The following XKR6 variants were observed in gnomAD, a reference collection of about 807,000 sequenced individuals.
The protein encoded by XKR6 is XK-related protein 6.
Under a neutral mutation model 56.7 loss-of-function variants are expected in XKR6, and 22 were observed. The observed-to-expected ratio is 0.39, with a 90% CI of 0.28 to 0.55. XKR6 has a LOEUF of 0.55. Among genes scored for constraint, XKR6 ranks in the 20% least tolerant of loss-of-function variants. The pLI is 0.66. For synonymous variants in XKR6, 524 were observed against 387.8 expected (o/e 1.35, Z -4.13); for missense variants, 852 against 889.0 (o/e 0.96, Z 0.53).
At chr8:11,059,194 C>T (rs4841487) in intron 1 of XKR6, among the ~76,000 whole-genome samples, 33,658 of 152,258 alleles carry the variant, frequency 0.22, 4,549 homozygotes, top group Non-Finnish European at 0.31. Flanking sequence ...GCGGTTTGGG[C>T]GCTCTGCCCC....
intron 1 of XKR6, among the ~76,000 whole-genome samples, chr8:10,943,942 C>T (rs1226266007): frequency 6.6e-6 from 1 of 152,132 alleles, no homozygotes; most frequent in Non-Finnish European, 1.5e-5. Context: ...GCGGAAGTCT[C>T]CCCCTGCCCG....
intron 1 of XKR6, among the ~76,000 whole-genome samples, chr8:11,045,890 C>T (rs968806045): frequency 6.6e-6 from 1 of 152,174 alleles, no homozygotes; most frequent in African/African-American, 2.4e-5. Context: ...GAGACAATAG[C>T]CACAGCCAGA....
intron 1 of XKR6, among the ~76,000 whole-genome samples, chr8:11,032,188 C>T (rs776122329): frequency 3.4e-4 from 52 of 152,150 alleles, no homozygotes; most frequent in Non-Finnish European, 6.3e-4. Context: ...TGGCACCAGA[C>T]GCAGGGCTGA....
intron 1 of XKR6, among the ~76,000 whole-genome samples, chr8:10,953,219 C>T (rs1801780681): frequency 6.6e-6 from 1 of 152,202 alleles, no homozygotes. Context: ...AATTATCTTC[C>T]ATGAAACTGG....
chr8:10,951,300 G>GTGTGTGTGTGTGTGT (rs988183717), intron 1 of XKR6, among the ~76,000 whole-genome samples: 1,533 of 122,312 alleles, frequency 0.013, 25 homozygotes, highest in African/African-American at 0.037. Flanking sequence ...TGTGTGTGTG[G>GTGTGTGTGTGTGTGT]GGGGGGGGGG....
chr8:11,112,027 A>C (rs961546920), intron 1 of XKR6: 2 of 152,248 alleles, frequency 1.3e-5, no homozygotes, highest in Non-Finnish European at 2.9e-5. Context: ...TAAGCTCTTA[A>C]GTCTAACATT....
At chr8:11,158,441 C>T (rs1801633503) in intron 1 of XKR6, among the ~76,000 whole-genome samples, 1 of 152,204 alleles carries the variant, frequency 6.6e-6, no homozygotes, top group South Asian at 2.1e-4. Flanking sequence ...TAGGCAGGGC[C>T]TGGCAAGAAA....
In XKR6 at chr8:11,037,713, C is replaced by G. The variant is rs989601946; in HGVS notation, c.765-112883G>C. ...TCACTACTAAAAATACAAAAATTGG[C>G]TGGGCATGGTGGCGTGCGCCTGTAA... On this transcript the variant is annotated intron_variant, in intron 1 of 2. Transcript: ENST00000416569. 5.3e-5 allele frequency among the ~76,000 whole-genome samples: 8 copies of G among 152,286 alleles called. No individual in the cohort carries two copies. The East Asian group carries it at 5.8e-4, about 11-fold the overall frequency.
At chr8:11,023,556 G>A (rs1021663129) in intron 1 of XKR6, among the ~76,000 whole-genome samples, 5 of 152,224 alleles carry the variant, frequency 3.3e-5, no homozygotes, top group Non-Finnish European at 5.9e-5. Context: ...GAGCCACTGT[G>A]CCACCTGGGA....
At chr8:11,140,889 C>A in intron 1 of XKR6, among the ~76,000 whole-genome samples, 1 of 120,744 alleles carries the variant, frequency 8.3e-6, no homozygotes, top group African/African-American at 3.8e-5. Flanking sequence ...CAGAGCGAGA[C>A]TCTGTCTCAA....
chr8:11,161,255 G>A (rs1801790346), intron 1 of XKR6, among the ~76,000 whole-genome samples: 1 of 152,118 alleles, frequency 6.6e-6, no homozygotes, highest in Non-Finnish European at 1.5e-5. Context: ...TCCTCTGAAT[G>A]GGGTCTAGAG....
intron 1 of XKR6, among the ~76,000 whole-genome samples, chr8:11,028,871 C>T (rs1798928860): frequency 1.3e-5 from 2 of 152,168 alleles, no homozygotes; most frequent in South Asian, 4.1e-4. Context: ...AGTGGCTTGT[C>T]CAAGGTCACA....
intron 1 of XKR6, among the ~76,000 whole-genome samples, chr8:11,103,691 G>A (rs531868859): frequency 6.6e-6 from 1 of 152,288 alleles, no homozygotes; most frequent in African/African-American, 2.4e-5. Context: ...TTGCTTTGGA[G>A]GGAGACTGAG....
chr8:11,194,329 T>G (rs1229727805), intron 1 of XKR6: 1 of 152,230 alleles, frequency 6.6e-6, no homozygotes, highest in Non-Finnish European at 1.5e-5. Flanking sequence ...ACTTCTTAAT[T>G]CCACCAGTCA....
intron 1 of XKR6, among the ~76,000 whole-genome samples, chr8:11,188,919 G>C (rs1394801106): frequency 1.3e-5 from 2 of 152,100 alleles, no homozygotes; most frequent in African/African-American, 4.8e-5. Context: ...GGAGTGCAAA[G>C]GGAAGGTATT....
intron 1 of XKR6, among the ~76,000 whole-genome samples, chr8:11,117,490 GCTGGCCATT>G (rs1428857264): frequency 6.6e-6 from 1 of 152,160 alleles, no homozygotes; most frequent in Non-Finnish European, 1.5e-5. Context: ...GGAGACAGCG[GCTGGCCATT>G]TGGGAAACTT....
At chr8:11,115,653 A>G (rs943620438) in intron 1 of XKR6, among the ~76,000 whole-genome samples, 26 of 152,202 alleles carry the variant, frequency 1.7e-4, no homozygotes, top group African/African-American at 6.0e-4. Context: ...AAAATGTCAA[A>G]ATATATGCAC....
At chr8:10,978,481 G>A (rs1214824690) in intron 1 of XKR6, among the ~76,000 whole-genome samples, 2 of 152,154 alleles carry the variant, frequency 1.3e-5, no homozygotes, top group Non-Finnish European at 2.9e-5. Context: ...GGGGGAAGAC[G>A]ATTTGTTGAA....
chr8:11,167,831 A>T, intron 1 of XKR6, among the ~76,000 whole-genome samples: 1 of 150,526 alleles, frequency 6.6e-6, no homozygotes, highest in African/African-American at 2.4e-5. Flanking sequence ...TCAAAACACT[A>T]CCAGGCTAGG....
Sources: gnomAD v4.1 joint callset for allele counts (sites outside exome capture counted in the v4.1 genomes callset) on GRCh38, gnomAD v4.1.1 for gene constraint, MANE v1.5 for transcripts, NCBI Gene and HGNC (gene_info 2026-07-23, HGNC 2026-07-21) for gene names.